Variants in LRBA observed in about 807,000 individuals in gnomAD.
LRBA encodes LPS responsive beige-like anchor protein.
A neutral mutation model predicts 330.0 loss-of-function variants in LRBA; 176 were observed. That is an observed-to-expected ratio of 0.53 (90% CI 0.47 to 0.60). The LOEUF is 0.60. LRBA is among the 20% of genes least tolerant of loss of function. The pLI is 0.00. For missense variants in LRBA, 3,259 were observed against 3,444.8 expected, an observed-to-expected ratio of 0.95 and a Z score of 1.35; for synonymous variants, 1,230 against 1,193.0, an observed-to-expected ratio of 1.03 and a Z score of -0.64.
At chr4:150,363,324 C>T (rs1006763861) in intron 47 of LRBA, among the ~76,000 whole-genome samples, 2 of 152,226 alleles carry the variant, frequency 1.3e-5, no homozygotes, top group South Asian at 4.2e-4. Flanking sequence ...CCTCAACCTT[C>T]CCCAGAAACA....
At chr4:150,384,049 T>C (rs1236639274) in intron 47 of LRBA, among the ~76,000 whole-genome samples, 5 of 151,958 alleles carry the variant, frequency 3.3e-5, no homozygotes, top group African/African-American at 1.2e-4. Context: ...TATTTATTTA[T>C]TTATTTTGAG....
intron 9 of LRBA, among the ~76,000 whole-genome samples, chr4:150,910,242 G>C (rs1028632902): frequency 6.6e-6 from 1 of 152,040 alleles, no homozygotes; most frequent in Non-Finnish European, 1.5e-5. Flanking sequence ...ATTCAATGTC[G>C]TAAAGCTTTT....
At chr4:150,938,321 A>T (rs913532870) in intron 2 of LRBA, among the ~76,000 whole-genome samples, 5 of 152,212 alleles carry the variant, frequency 3.3e-5, no homozygotes, top group Non-Finnish European at 7.3e-5. Context: ...ATTTTTCTCC[A>T]GGAATCCTTT....
At chr4:150,928,014 T>C (rs1037125380) in intron 4 of LRBA, among the ~76,000 whole-genome samples, 6 of 152,170 alleles carry the variant, frequency 3.9e-5, no homozygotes, top group Non-Finnish European at 8.8e-5. Context: ...GATAACTATA[T>C]GGTGGAAGAA....
chr4:150,329,878 C>T (rs1733762894), intron 48 of LRBA, among the ~76,000 whole-genome samples: 1 of 152,174 alleles, frequency 6.6e-6, no homozygotes, highest in South Asian at 2.1e-4. Flanking sequence ...CCAATCACTT[C>T]GAAGTTTATC....
chr4:150,566,952 CATT>C (rs1416233648), intron 40 of LRBA, among the ~76,000 whole-genome samples: 1 of 152,092 alleles, frequency 6.6e-6, no homozygotes, highest in Non-Finnish European at 1.5e-5. Context: ...TATAAAGACT[CATT>C]ATAAGCCACA....
At chr4:150,687,637 G>C (rs533804690) in intron 36 of LRBA, among the ~76,000 whole-genome samples, 3 of 151,948 alleles carry the variant, frequency 2.0e-5, no homozygotes, top group African/African-American at 7.3e-5. Context: ...CTCAATATAG[G>C]ATAAATAAAC....
intron 50 of LRBA, among the ~76,000 whole-genome samples, chr4:150,318,049 C>T (rs1731955349): frequency 6.6e-6 from 1 of 152,168 alleles, no homozygotes; most frequent in African/African-American, 2.4e-5. Context: ...CCAGTGAGGA[C>T]ACTGAGCCCA....
chr4:150,641,921 T>C (rs894849427), intron 37 of LRBA, among the ~76,000 whole-genome samples: 3 of 152,092 alleles, frequency 2.0e-5, no homozygotes, highest in African/African-American at 7.2e-5. Context: ...TTAATACCAA[T>C]GTTTATTTAT....
At chr4:150,301,807 CTG>C (rs1729712273) in intron 53 of LRBA, among the ~76,000 whole-genome samples, 1 of 152,112 alleles carries the variant, frequency 6.6e-6, no homozygotes, top group South Asian at 2.1e-4. Context: ...AATTAAGAAA[CTG>C]TAAATATTTA....
At chr4:150,678,199 C>T in intron 37 of LRBA, among the ~76,000 whole-genome samples, 1 of 151,534 alleles carries the variant, frequency 6.6e-6, no homozygotes, top group East Asian at 1.9e-4. Context: ...TGAGATCCTG[C>T]CACTGCACTC....
chr4:150,882,434 A>G (rs2127053349), intron 17 of LRBA, among the ~76,000 whole-genome samples: 1 of 152,302 alleles, frequency 6.6e-6, no homozygotes, highest in Admixed American at 6.5e-5. Context: ...AAATTTATAT[A>G]TTTATCTAAT....
intron 34 of LRBA, among the ~76,000 whole-genome samples, chr4:150,791,321 G>A (rs1244001152): frequency 1.3e-5 from 2 of 152,176 alleles, no homozygotes; most frequent in East Asian, 1.9e-4. Flanking sequence ...GATAGTGAGA[G>A]TTGATCAAAC....
chr4:150,790,678 C>T (rs1369990008), intron 34 of LRBA, among the ~76,000 whole-genome samples: 1 of 152,192 alleles, frequency 6.6e-6, no homozygotes. Context: ...ATTTATATAG[C>T]TTGAATCTTC....
chr4:150,359,401 A>G (rs1349365933), intron 47 of LRBA, among the ~76,000 whole-genome samples: 5 of 152,188 alleles, frequency 3.3e-5, no homozygotes, highest in Admixed American at 6.5e-5. Flanking sequence ...TAATCAAGAA[A>G]GTAGCATCCG....
At position 150,595,969 on chromosome 4, in the gene LRBA, T is replaced by C. The variant is rs192038801; in HGVS notation, c.6046+3038A>G. Among the ~76,000 whole-genome samples the C allele has an allele frequency of 2.3e-3, 351 of 152,038 alleles. 2 individuals carry two copies. Among genetic ancestry groups the C allele is most frequent in the Non-Finnish European group, 3.8e-3 (255 of 67,816 alleles). On this transcript the variant is annotated intron_variant, in intron 38 of 56. Transcript: ENST00000651943. ...GAAGAAAATGCCCTCAAGAATAAAA[T>C]GCCCAGCTTTGCTTGAGCTGCTAAT...
chr4:150,512,931 C>T (rs896120539), intron 40 of LRBA, among the ~76,000 whole-genome samples: 1 of 152,074 alleles, frequency 6.6e-6, no homozygotes, highest in African/African-American at 2.4e-5. Context: ...ACAAAAGAAA[C>T]ATTAAACATT....
At chr4:150,946,550 A>G (rs1038770360) in intron 2 of LRBA, among the ~76,000 whole-genome samples, 1 of 152,118 alleles carries the variant, frequency 6.6e-6, no homozygotes, top group Non-Finnish European at 1.5e-5. Flanking sequence ...TCTCAAATAA[A>G]TTTTTTAAAT....
At chr4:150,917,764 T>C (rs1732799378) in intron 5 of LRBA, among the ~76,000 whole-genome samples, 1 of 151,622 alleles carries the variant, frequency 6.6e-6, no homozygotes, top group Admixed American at 6.6e-5. Flanking sequence ...CTGCCTCTAC[T>C]AAAAAAATAC....
Sources: allele counts gnomAD v4.1 joint callset (sites outside exome capture counted in the v4.1 genomes callset), GRCh38; gene constraint gnomAD v4.1.1; transcripts MANE v1.5; gene names NCBI Gene and HGNC (gene_info 2026-07-23, HGNC 2026-07-21).